The following FRYL variants were observed in gnomAD, a reference collection of about 807,000 sequenced individuals.
The protein encoded by FRYL is protein furry homolog-like.
Under a neutral mutation model 351.2 loss-of-function variants are expected in FRYL, and 150 were observed. That is an observed-to-expected ratio of 0.43 (90% CI 0.37 to 0.49). FRYL has a LOEUF of 0.49. Ranked by LOEUF, FRYL falls within the 20% of genes least tolerant of loss-of-function variation. The probability of loss-of-function intolerance (pLI) is 0.00; values close to 1 mark genes in which losing one functional copy is unlikely to be tolerated. For missense variants in FRYL, 3,036 were observed against 3,619.3 expected, an observed-to-expected ratio of 0.84 and a Z score of 4.13; for synonymous variants, 1,153 against 1,257.1, an observed-to-expected ratio of 0.92 and a Z score of 1.75.
chr4:48,663,450 C>T (rs1380379473), intron 3 of FRYL, among the ~76,000 whole-genome samples: 1 of 151,188 alleles, frequency 6.6e-6, no homozygotes, highest in Non-Finnish European at 1.5e-5. Flanking sequence ...GGAAAGAAAA[C>T]ACAACAGATA....
chr4:48,721,435 C>A lies in FRYL; in HGVS notation c.-383-10737G>T, dbSNP rs184129128. 1.9e-3 allele frequency among the ~76,000 whole-genome samples: 287 copies of A among 151,366 alleles called. 1 individual carries two copies. The highest frequency in any genetic ancestry group is 3.1e-3 in the Non-Finnish European group (208 of 67,860). ...ATCCTAGTACTTTGGGAGGCCAAGG[C>A]AGGATCACTTAAGCCCAAGAGTTTG... On this transcript the variant is annotated intron_variant, in intron 1 of 63. Coordinates refer to ENST00000358350, the MANE Select transcript of FRYL (RefSeq NM_015030.2).
In FRYL at chr4:48,530,128, A is replaced by G. The variant is rs141122038; in HGVS notation, c.6903+1028T>C. 5.5e-3 allele frequency among the ~76,000 whole-genome samples: 843 copies of G among 152,218 alleles called. 14 individuals are homozygous for G. The highest frequency in any genetic ancestry group is 0.045 in the East Asian group (234 of 5,174). On this transcript the variant is annotated intron_variant, in intron 50 of 63. Coordinates refer to ENST00000358350, the MANE Select transcript of FRYL (RefSeq NM_015030.2). ...ACCTCCTTTAGTATGTTTCTGGGTC[A>G]CTTCTGAGTCAACATGTCCAAGACG...
chr4:48,633,168 G>C (rs1753594319), intron 4 of FRYL, among the ~76,000 whole-genome samples: 1 of 152,070 alleles, frequency 6.6e-6, no homozygotes, highest in Non-Finnish European at 1.5e-5. Context: ...AGCCCAAAGA[G>C]TAACCTAAAC....
intron 1 of FRYL, among the ~76,000 whole-genome samples, chr4:48,745,408 G>C (rs535064707): frequency 3.5e-4 from 54 of 152,296 alleles, no homozygotes; most frequent in African/African-American, 1.3e-3. Flanking sequence ...ATACACCGTG[G>C]AATACTATGC....
chr4:48,679,683 G>C (rs1239233968), intron 3 of FRYL, among the ~76,000 whole-genome samples: 1 of 20,900 alleles, frequency 4.8e-5, no homozygotes, highest in Non-Finnish European at 2.4e-4. Flanking sequence ...GGAAAATATT[G>C]AATGTTCTAA....
Position 48,534,703 on chromosome 4 carries a change from A to C in FRYL, c.6565-18T>G. 1 of 1,443,612 alleles carries C rather than the reference A, an allele frequency of 6.9e-7. No individual in the cohort carries two copies. The highest frequency in any genetic ancestry group is 9.6e-7 in the Non-Finnish European group (1 of 1,043,742). The allele number at this position is 1,443,612 out of a possible 1,614,324, so 89.4% of individuals were successfully genotyped here. On this transcript the variant is annotated intron_variant, in intron 48 of 63. Transcript: ENST00000358350. ...TCTAACAGCTAAAAATAATGTTAAA[A>C]GTAATATTAAAGTATACTTTAATCA...
chr4:48,710,833 T>G, intron 1 of FRYL, 135 bp from the exon 2 acceptor site: 1 of 374,418 alleles, frequency 2.7e-6, no homozygotes, highest in Non-Finnish European at 4.7e-6. Flanking sequence ...ATCCAGTAAT[T>G]CCACACCCAG....
intron 5 of FRYL, among the ~76,000 whole-genome samples, chr4:48,622,400 C>T (rs1298849425): frequency 6.6e-6 from 1 of 152,114 alleles, no homozygotes; most frequent in Non-Finnish European, 1.5e-5. Flanking sequence ...GTATCAGAAT[C>T]ACCTAGGAAG....
At chr4:48,606,639 A>G in intron 9 of FRYL, 33 bp from the exon 10 acceptor site, 2 of 1,520,672 alleles carry the variant, frequency 1.3e-6, no homozygotes, top group Non-Finnish European at 1.8e-6. Context: ...ATTTGATTTG[A>G]ATTAAAAACA....
At chr4:48,504,870 C>A (rs1720566965) in intron 60 of FRYL, among the ~76,000 whole-genome samples, 1 of 151,910 alleles carries the variant, frequency 6.6e-6, no homozygotes. Context: ...AATAGTATAA[C>A]CTTTACAGAC....
chr4:48,653,235 C>T (rs1758100604), intron 3 of FRYL, among the ~76,000 whole-genome samples: 1 of 152,022 alleles, frequency 6.6e-6, no homozygotes, highest in African/African-American at 2.4e-5. Context: ...GAAAATTACA[C>T]ATTATAACTT....
intron 3 of FRYL, among the ~76,000 whole-genome samples, chr4:48,650,949 C>T (rs1268257632): frequency 6.6e-6 from 1 of 152,068 alleles, no homozygotes; most frequent in East Asian, 1.9e-4. Flanking sequence ...GGCGTGGTAA[C>T]CAACCTCTGG....
Position 48,620,797 on chromosome 4 carries a change from A to C in FRYL, c.175-19T>G. On this transcript the variant is annotated intron_variant, in intron 5 of 63. Transcript: ENST00000358350. ...TTATCAACTGAAAACACAAGATATTACCAGAAAATAAATTGTAACACTGAA... is the reference window on the plus strand; with the variant it reads ...TTATCAACTGAAAACACAAGATATTCCCAGAAAATAAATTGTAACACTGAA... 2 of 1,600,218 alleles carry C rather than the reference A, an allele frequency of 1.2e-6. No homozygotes were observed. The highest frequency in any genetic ancestry group is 1.7e-6 in the Non-Finnish European group (2 of 1,169,654).
At chr4:48,632,962 A>G (rs943968324) in intron 4 of FRYL, among the ~76,000 whole-genome samples, 1 of 152,166 alleles carries the variant, frequency 6.6e-6, no homozygotes, top group African/African-American at 2.4e-5. Flanking sequence ...AAGCCAATAT[A>G]TTATTGTGCC....
intron 3 of FRYL, among the ~76,000 whole-genome samples, chr4:48,650,649 A>C (rs1379149257): frequency 6.6e-6 from 1 of 152,212 alleles, no homozygotes; most frequent in Non-Finnish European, 1.5e-5. Context: ...CGAGAACGGC[A>C]ACAGGCAAAA....
intron 1 of FRYL, among the ~76,000 whole-genome samples, chr4:48,724,882 A>C (rs1769910055): frequency 6.6e-6 from 1 of 152,246 alleles, no homozygotes; most frequent in Non-Finnish European, 1.5e-5. Context: ...TTTTACATCC[A>C]TGTTGAGATG....
chr4:48,531,209 C>G lies in FRYL; in HGVS notation c.6850G>C (p.Val2284Leu), dbSNP rs1727526937. The change falls in exon 50 of 64, where the codon GTT becomes CTT. Residue 2284 changes from valine (V) to leucine (L), a missense_variant. Coordinates refer to ENST00000358350, the MANE Select transcript of FRYL (RefSeq NM_015030.2). ...EISFTKIFNN[V>L]SKELPGKTLD... The stretch of plus-strand genomic sequence containing the variant: ...GTCTTCCCAGGCAACTCCTTAGAAA[C>G]ATTATTAAAAATTTTAGTGAAGGAT... 6.2e-7 allele frequency: 1 copy of G among 1,612,262 alleles called. No homozygotes were observed. Among genetic ancestry groups the G allele is most frequent in the Non-Finnish European group, 8.5e-7 (1 of 1,178,570 alleles).
chr4:48,586,577 G>A (rs1219658575), intron 19 of FRYL, 44 bp downstream of exon 19: 2 of 1,246,236 alleles, frequency 1.6e-6, no homozygotes, highest in Admixed American at 1.7e-5. Context: ...ATATAAAGGA[G>A]CAGAAGACAT....
intron 33 of FRYL, among the ~76,000 whole-genome samples, chr4:48,560,193 A>G (rs1222321256): frequency 6.6e-6 from 1 of 152,186 alleles, no homozygotes; most frequent in Non-Finnish European, 1.5e-5. Context: ...TGGAGAAAGA[A>G]AGGATCAGGG....
Sources: gnomAD v4.1 joint callset for allele counts (sites outside exome capture counted in the v4.1 genomes callset) on GRCh38, gnomAD v4.1.1 for gene constraint, MANE v1.5 for transcripts, NCBI Gene and HGNC (gene_info 2026-07-23, HGNC 2026-07-21) for gene names.